Variants in PPP1R9A observed in about 807,000 individuals in gnomAD.
PPP1R9A encodes neurabin-1.
In PPP1R9A, 59 loss-of-function variants were observed where a neutral mutation model predicts 141.9. The ratio of observed to expected loss-of-function variants is 0.42; its 90% CI spans 0.34 to 0.52. The LOEUF is 0.52. Among genes scored for constraint, PPP1R9A ranks in the 20% least tolerant of loss-of-function variants. The probability of loss-of-function intolerance (pLI) is 0.10; values close to 1 mark genes in which losing one functional copy is unlikely to be tolerated. For synonymous variants in PPP1R9A, 500 were observed against 569.7 expected (o/e 0.88, Z 1.74); for missense variants, 1,444 against 1,611.9 (o/e 0.90, Z 1.78).
intron 8 of PPP1R9A, among the ~76,000 whole-genome samples, chr7:95,241,027 C>T (rs1423690191): frequency 1.3e-5 from 2 of 152,066 alleles, no homozygotes; most frequent in African/African-American, 2.4e-5. Context: ...TTAGGTGCCT[C>T]GTGTCCAGCC....
intron 2 of PPP1R9A, among the ~76,000 whole-genome samples, chr7:95,025,619 G>A (rs546152630): frequency 9.2e-5 from 14 of 152,208 alleles, no homozygotes; most frequent in African/African-American, 3.4e-4. Flanking sequence ...ATGTTGGCCT[G>A]TCTTGCTAGG....
At chr7:95,173,267 T>C (rs6966561) in intron 5 of PPP1R9A, among the ~76,000 whole-genome samples, 12,276 of 151,734 alleles carry the variant, frequency 0.081, 1,228 homozygotes, top group African/African-American at 0.23. Context: ...TAATATACAC[T>C]GGGGACTCTA....
chr7:95,223,063 A>G (rs1383373314), intron 7 of PPP1R9A, among the ~76,000 whole-genome samples: 3 of 152,068 alleles, frequency 2.0e-5, no homozygotes, highest in Admixed American at 2.0e-4. Flanking sequence ...ATAATGTTTT[A>G]AACATGCCAT....
rs979794530 is a variant in PPP1R9A at position 94,969,692 on chromosome 7, C to T, written c.1395+58184C>T. Among the ~76,000 whole-genome samples the T allele has an allele frequency of 3.3e-5, 5 of 152,184 alleles. No individual in the cohort carries two copies. The East Asian group carries it at 9.7e-4, about 29-fold the overall frequency. On this transcript the variant is annotated intron_variant, in intron 2 of 19. Transcript: ENST00000433360. The stretch of plus-strand genomic sequence containing the variant: ...AAGCACTGTGCTGGGAGACTCCCTG[C>T]TCTCTTCAGAGCTGGCAGGCAGGAG...
At chr7:95,023,028 G>A (rs113327365) in intron 2 of PPP1R9A, among the ~76,000 whole-genome samples, 14,053 of 152,026 alleles carry the variant, frequency 0.092, 717 homozygotes, top group Admixed American at 0.15. Context: ...TTTTTCTATC[G>A]TTTGGAATAG....
At chr7:95,018,007 A>G (rs1805349246) in intron 2 of PPP1R9A, among the ~76,000 whole-genome samples, 1 of 152,214 alleles carries the variant, frequency 6.6e-6, no homozygotes, top group Non-Finnish European at 1.5e-5. Context: ...TAACCATGCA[A>G]CAATAGCTTA....
intron 2 of PPP1R9A, among the ~76,000 whole-genome samples, chr7:94,977,061 G>T (rs1411100073): frequency 1.3e-5 from 2 of 151,974 alleles, no homozygotes; most frequent in African/African-American, 4.8e-5. Context: ...CTAGAATCCT[G>T]TAATTGCCTT....
chr7:95,029,357 A>G (rs868135937), intron 2 of PPP1R9A, among the ~76,000 whole-genome samples: 3 of 152,196 alleles, frequency 2.0e-5, no homozygotes, highest in African/African-American at 4.8e-5. Flanking sequence ...AACTGTAAGC[A>G]AGTTTTGAGT....
chr7:95,030,256 A>G (rs1807478036), intron 2 of PPP1R9A, among the ~76,000 whole-genome samples: 1 of 152,208 alleles, frequency 6.6e-6, no homozygotes, highest in African/African-American at 2.4e-5. Flanking sequence ...CAAATGAGAA[A>G]TATTTAGAAA....
intron 14 of PPP1R9A, among the ~76,000 whole-genome samples, chr7:95,271,591 G>A (rs181301561): frequency 2.0e-5 from 3 of 152,292 alleles, no homozygotes; most frequent in East Asian, 3.9e-4. Flanking sequence ...AGGTAGATTT[G>A]GGAGTCCCCA....
At chr7:95,077,480 CTT>C (rs769807746) in intron 2 of PPP1R9A, among the ~76,000 whole-genome samples, 43 of 152,108 alleles carry the variant, frequency 2.8e-4, no homozygotes, top group Non-Finnish European at 4.0e-4. Flanking sequence ...AAATGTATCT[CTT>C]ATACAGATTT....
At chr7:94,909,363 A>T (rs1348847150) in intron 1 of PPP1R9A, among the ~76,000 whole-genome samples, 7 of 152,050 alleles carry the variant, frequency 4.6e-5, no homozygotes, top group Admixed American at 1.3e-4. Flanking sequence ...TGCTTTGGGG[A>T]TGCTGTAGAT....
chr7:95,240,063 C>T (rs1797234717), intron 8 of PPP1R9A, among the ~76,000 whole-genome samples: 1 of 152,064 alleles, frequency 6.6e-6, no homozygotes, highest in South Asian at 2.1e-4. Flanking sequence ...AATTTTTTCT[C>T]ATTCTCAGAG....
intron 2 of PPP1R9A, among the ~76,000 whole-genome samples, chr7:94,970,156 G>T (rs1370515308): frequency 2.0e-5 from 3 of 152,096 alleles, no homozygotes; most frequent in African/African-American, 7.2e-5. Flanking sequence ...GGGAGTGAAC[G>T]GTTCTGTCTC....
At chr7:95,063,939 C>G (rs1812609432) in intron 2 of PPP1R9A, among the ~76,000 whole-genome samples, 1 of 152,100 alleles carries the variant, frequency 6.6e-6, no homozygotes, top group Non-Finnish European at 1.5e-5. Context: ...TAATTCACTT[C>G]AAGTTTGTAA....
intron 2 of PPP1R9A, among the ~76,000 whole-genome samples, chr7:94,958,511 C>T (rs1414257281): frequency 1.3e-5 from 2 of 151,908 alleles, no homozygotes; most frequent in Non-Finnish European, 2.9e-5. Context: ...CTTACTCTCA[C>T]CTTCTTTTTT....
At chr7:95,228,985 C>T (rs537504277) in intron 8 of PPP1R9A, among the ~76,000 whole-genome samples, 3 of 152,128 alleles carry the variant, frequency 2.0e-5, no homozygotes, top group Non-Finnish European at 4.4e-5. Flanking sequence ...CATCTATAAT[C>T]TTAGTTCTTT....
chr7:95,057,082 C>T (rs1381672561), intron 2 of PPP1R9A, among the ~76,000 whole-genome samples: 1 of 152,116 alleles, frequency 6.6e-6, no homozygotes, highest in Non-Finnish European at 1.5e-5. Flanking sequence ...GAATTTATGA[C>T]TTCATCAGAA....
chr7:95,181,042 G>T (rs192404957), intron 5 of PPP1R9A, among the ~76,000 whole-genome samples: 5 of 151,616 alleles, frequency 3.3e-5, no homozygotes, highest in Admixed American at 6.6e-5. Flanking sequence ...CAGAGGAAAA[G>T]AAGTCATTAC....
Sources: allele counts gnomAD v4.1 joint callset (sites outside exome capture counted in the v4.1 genomes callset), GRCh38; gene constraint gnomAD v4.1.1; transcripts MANE v1.5; gene names NCBI Gene and HGNC (gene_info 2026-07-23, HGNC 2026-07-21).